Variants in HSD17B4 observed in about 807,000 individuals in gnomAD.
The protein encoded by HSD17B4 is peroxisomal multifunctional enzyme type 2.
HSD17B4 carries 70 observed loss-of-function variants against 101.0 expected under a neutral mutation model. The observed-to-expected ratio is 0.69, with a 90% CI of 0.57 to 0.85. The LOEUF (loss-of-function observed/expected upper bound fraction) is 0.85. HSD17B4 is among the 40% of genes least tolerant of loss of function. The pLI, the probability that HSD17B4 is intolerant of heterozygous loss-of-function variation, is 0.00. For missense variants in HSD17B4, 984 were observed against 892.4 expected (o/e 1.10, Z -1.31); for synonymous variants, 347 against 297.1 (o/e 1.17, Z -1.73).
chr5:119,533,520 G>T (rs1388948310), intron 22 of HSD17B4, among the ~76,000 whole-genome samples: 1 of 152,062 alleles, frequency 6.6e-6, no homozygotes, highest in African/African-American at 2.4e-5. Context: ...ATGAGAAAGA[G>T]TCAAAACTAA....
At position 119,525,228 on chromosome 5, in the gene HSD17B4, C is replaced by A; in HGVS notation, c.1516C>A (p.Arg506Ser). 1 of 1,611,256 alleles carries A rather than the reference C, an allele frequency of 6.2e-7. No individual in the cohort carries two copies. Among genetic ancestry groups the A allele is most frequent in the Admixed American group, 1.7e-5 (1 of 59,848 alleles). ...GCTTTCTCCACAGGCTGCTTTGTAC[C>A]GCCTCAGTGGAGACTGGAATCCCTT... ...TTSLNQAALY[R>S]LSGDWNPLHI... is the part of the protein sequence containing the mutation. The change falls in exon 18 of 24, where the codon CGC becomes AGC. Residue 506 changes from arginine (R) to serine (S), a missense_variant. By Grantham distance (110) the Arg-to-Ser change is moderately radical (BLOSUM62 -1). Coordinates refer to ENST00000510025, the MANE Select transcript of HSD17B4 (RefSeq NM_000414.4).
At chr5:119,516,369 T>C (rs1409239451) in intron 17 of HSD17B4, among the ~76,000 whole-genome samples, 1 of 152,126 alleles carries the variant, frequency 6.6e-6, no homozygotes, top group East Asian at 1.9e-4. Flanking sequence ...AAATAAAAAA[T>C]ATATCTGCTA....
At chr5:119,482,994 G>A (rs1749280775) in intron 8 of HSD17B4, among the ~76,000 whole-genome samples, 1 of 151,818 alleles carries the variant, frequency 6.6e-6, no homozygotes, top group African/African-American at 2.4e-5. Context: ...GGTCAGACAA[G>A]GCTCTGGTAA....
intron 17 of HSD17B4, among the ~76,000 whole-genome samples, chr5:119,517,014 AG>A (rs1034528493): frequency 8.5e-5 from 13 of 152,332 alleles, no homozygotes; most frequent in African/African-American, 3.1e-4. Context: ...GCACTTGAGG[AG>A]CCCATCAGCC....
chr5:119,464,141 G>T (rs1755569191), intron 2 of HSD17B4, among the ~76,000 whole-genome samples: 1 of 151,990 alleles, frequency 6.6e-6, no homozygotes, highest in African/African-American at 2.4e-5. Flanking sequence ...TCTGCAAGTT[G>T]TCTCTTCACT....
At chr5:119,479,397 C>T (rs182002482) in intron 8 of HSD17B4, among the ~76,000 whole-genome samples, 169 of 152,228 alleles carry the variant, frequency 1.1e-3, no homozygotes, top group South Asian at 2.3e-3. Context: ...TACTTTACCT[C>T]CCACAGTTTC....
intron 2 of HSD17B4, chr5:119,456,674 G>A (rs1349823429): frequency 7.2e-6 from 3 of 413,898 alleles, no homozygotes; most frequent in African/African-American, 6.1e-5. Context: ...TTGAGACCAG[G>A]AGTTCGAGCC....
rs1422918656 is a variant in HSD17B4, at chr5:119,493,910, G to C, written c.832G>C (p.Asp278His). The C allele has an allele frequency of 6.2e-7, 1 of 1,613,374 alleles. No homozygotes were observed. Among genetic ancestry groups the C allele is most frequent in the Non-Finnish European group, 8.5e-7 (1 of 1,179,504 alleles). ...CAAGGCTAACTGGAAGAAGATCTGT[G>C]ACTTTGAGAATGCCAGCAAGCCTCA... is the stretch of plus-strand genomic sequence containing the variant. ...AVKANWKKIC[D>H]FENASKPQSI... Residue 278 changes from aspartate (D) to histidine (H), a missense_variant, in exon 11 of 24, where the codon GAC becomes CAC. Asp to His is a moderately conservative substitution (Grantham distance 81). Coordinates refer to ENST00000510025, the MANE Select transcript of HSD17B4 (RefSeq NM_000414.4).
intron 15 of HSD17B4, among the ~76,000 whole-genome samples, chr5:119,508,680 T>G (rs1404893825): frequency 1.3e-5 from 2 of 152,188 alleles, no homozygotes; most frequent in Non-Finnish European, 1.5e-5. Flanking sequence ...GATGGGAAAA[T>G]AAGAGTGAGC....
At position 119,506,825 on chromosome 5, in the gene HSD17B4, A is replaced by G. The variant is rs2126806465; in HGVS notation, c.1269A>G (p.Leu423=). Residue 423 remains leucine (L), a synonymous_variant, in exon 15 of 24, where the codon TTA becomes TTG. Transcript: ENST00000510025. The part of the protein sequence containing the change: ...LYKPLPRAGK[L]KCEAVVADVL... ...TTTTACTTTTCTTTCTAGGAAAATT[A>G]AAATGTGAAGCAGTTGTTGCTGATG... The G allele has an allele frequency of 3.8e-6, 6 of 1,570,878 alleles. No homozygotes were observed. The highest frequency in any genetic ancestry group is 4.4e-6 in the Non-Finnish European group (5 of 1,141,762).
At chr5:119,454,288 C>G (rs1580486573) in intron 1 of HSD17B4, among the ~76,000 whole-genome samples, 1 of 151,716 alleles carries the variant, frequency 6.6e-6, no homozygotes, top group Non-Finnish European at 1.5e-5. Flanking sequence ...TTCTCTCTTA[C>G]CCATTCAGAG....
intron 2 of HSD17B4, among the ~76,000 whole-genome samples, chr5:119,463,575 CATT>C (rs1165860108): frequency 7.5e-6 from 1 of 133,228 alleles, no homozygotes; most frequent in Admixed American, 7.8e-5. Flanking sequence ...GAAATGATCT[CATT>C]GTGATTTTGA....
At chr5:119,529,143 T>A (rs1753844612) in intron 20 of HSD17B4, among the ~76,000 whole-genome samples, 1 of 152,184 alleles carries the variant, frequency 6.6e-6, no homozygotes, top group Non-Finnish European at 1.5e-5. Context: ...AAGAGAATGA[T>A]CTTCTTGATT....
At chr5:119,530,211 A>G (rs979151300) in intron 21 of HSD17B4, 3 of 472,282 alleles carry the variant, frequency 6.4e-6, no homozygotes, top group African/African-American at 3.9e-5. Context: ...TCAAGAGAAC[A>G]TAATTTTCTA....
intron 14 of HSD17B4, among the ~76,000 whole-genome samples, chr5:119,502,659 A>G (rs1054366563): frequency 6.6e-6 from 1 of 152,156 alleles, no homozygotes; most frequent in African/African-American, 2.4e-5. Context: ...GTCTAATTAT[A>G]TACTGGTCAT....
chr5:119,458,064 G>A (rs1392618291), intron 2 of HSD17B4, among the ~76,000 whole-genome samples: 1 of 152,168 alleles, frequency 6.6e-6, no homozygotes, highest in East Asian at 1.9e-4. Flanking sequence ...AAATTAAACA[G>A]AGATGCTGTG....
At chr5:119,507,572 A>C (rs1751769537) in intron 15 of HSD17B4, among the ~76,000 whole-genome samples, 2 of 152,024 alleles carry the variant, frequency 1.3e-5, no homozygotes, top group African/African-American at 4.8e-5. Flanking sequence ...TCATGAGGTC[A>C]GGAGATCGAG....
At chr5:119,531,214 C>A in intron 21 of HSD17B4, 52 bp from the exon 22 acceptor site, 1 of 1,583,718 alleles carries the variant, frequency 6.3e-7, no homozygotes. Context: ...TCACTTTTCT[C>A]CATGAGTTAT....
intron 17 of HSD17B4, 31 bp from the exon 18 acceptor site, chr5:119,525,185 A>G (rs1432722278): frequency 6.7e-7 from 1 of 1,498,252 alleles, no homozygotes; most frequent in African/African-American, 1.4e-5. Context: ...CAAAACACTG[A>G]GTTCTAGTTA....
Sources: gnomAD v4.1 joint callset for allele counts (sites outside exome capture counted in the v4.1 genomes callset) on GRCh38, gnomAD v4.1.1 for gene constraint, MANE v1.5 for transcripts, NCBI Gene and HGNC (gene_info 2026-07-23, HGNC 2026-07-21) for gene names.